The following AGBL1 variants were observed in gnomAD, a reference collection of about 807,000 sequenced individuals.
AGBL1 encodes the protein cytosolic carboxypeptidase 4.
In AGBL1, 130 loss-of-function variants were observed where a neutral mutation model predicts 118.9. The observed-to-expected ratio is 1.09, with a 90% CI of 0.95 to 1.26. The LOEUF is 1.26. AGBL1 is among the 50% of genes most tolerant of loss of function. The pLI is 0.00. For synonymous variants in AGBL1, 555 were observed against 478.9 expected (o/e 1.16, Z -2.08); for missense variants, 1,584 against 1,298.1 (o/e 1.22, Z -3.38).
chr15:86,992,161 G>A (rs2081341687), intron 24 of AGBL1, among the ~76,000 whole-genome samples: 1 of 151,948 alleles, frequency 6.6e-6, no homozygotes. Context: ...AGTGAACAAG[G>A]GGATGTAGCA....
chr15:86,485,940 C>A (rs897468229), intron 18 of AGBL1, among the ~76,000 whole-genome samples: 76 of 151,940 alleles, frequency 5.0e-4, no homozygotes, highest in Non-Finnish European at 3.8e-4. Context: ...TCTTTTTAAA[C>A]CCAATACATT....
At chr15:86,804,296 A>T (rs1312593148) in intron 22 of AGBL1, among the ~76,000 whole-genome samples, 1 of 152,206 alleles carries the variant, frequency 6.6e-6, no homozygotes, top group Non-Finnish European at 1.5e-5. Flanking sequence ...GTTAATTGTC[A>T]TTAGAAAAGG....
At chr15:86,895,178 C>G (rs992206035) in intron 22 of AGBL1, among the ~76,000 whole-genome samples, 3 of 148,738 alleles carry the variant, frequency 2.0e-5, no homozygotes, top group Non-Finnish European at 3.0e-5. Flanking sequence ...TCTTTCCCCC[C>G]TCTTTTCTTT....
chr15:86,370,710 C>G (rs1335800094), intron 17 of AGBL1, among the ~76,000 whole-genome samples: 1 of 152,226 alleles, frequency 6.6e-6, no homozygotes, highest in Non-Finnish European at 1.5e-5. Flanking sequence ...CATGGCACAT[C>G]TCCATCTTTC....
chr15:86,577,837 TGG>T (rs71144055), intron 21 of AGBL1, among the ~76,000 whole-genome samples: 5 of 141,662 alleles, frequency 3.5e-5, no homozygotes, highest in Non-Finnish European at 7.8e-5. Flanking sequence ...AGTCAAGAAC[TGG>T]GGGTTTGGGA....
chr15:86,927,332 G>T (rs1323449257), intron 23 of AGBL1, among the ~76,000 whole-genome samples: 2 of 150,740 alleles, frequency 1.3e-5, no homozygotes, highest in Non-Finnish European at 3.0e-5. Flanking sequence ...CTTGTTCCTG[G>T]AAGCCCAGCA....
At chr15:86,793,975 A>T (rs2078534990) in intron 22 of AGBL1, among the ~76,000 whole-genome samples, 1 of 152,232 alleles carries the variant, frequency 6.6e-6, no homozygotes, top group African/African-American at 2.4e-5. Flanking sequence ...GCTACAGAGA[A>T]ACTGGAAACT....
chr15:86,812,283 C>T (rs2078800544), intron 22 of AGBL1, among the ~76,000 whole-genome samples: 1 of 152,144 alleles, frequency 6.6e-6, no homozygotes, highest in Admixed American at 6.6e-5. Context: ...TACTGTCTCC[C>T]TAATTCTGAC....
intron 22 of AGBL1, among the ~76,000 whole-genome samples, chr15:86,892,434 A>G (rs1172006250): frequency 6.6e-6 from 1 of 152,152 alleles, no homozygotes; most frequent in Non-Finnish European, 1.5e-5. Context: ...AGTAGACCTT[A>G]TCTATAAATA....
In AGBL1 at chr15:86,410,409, A is replaced by C. The variant is rs557544202; in HGVS notation, c.2555+12863A>C. On this transcript the variant is annotated intron_variant, in intron 18 of 22. Transcript: ENST00000614907. The stretch of plus-strand genomic sequence containing the variant: ...GATGTAGTATAAAAAAATTCCAACA[A>C]GACAGTCAGAAGAAGACCCACTTTA... Among the ~76,000 whole-genome samples the C allele has an allele frequency of 9.9e-5, 15 of 152,224 alleles. No individual in the cohort carries two copies. The East Asian group carries it at 1.7e-3, about 18-fold the overall frequency.
intron 22 of AGBL1, among the ~76,000 whole-genome samples, chr15:86,779,516 G>A (rs1381154841): frequency 1.3e-5 from 2 of 152,132 alleles, no homozygotes; most frequent in Non-Finnish European, 2.9e-5. Context: ...GCTATGAACA[G>A]TATTGTACCT....
At chr15:86,141,072 G>A (rs28575675) in intron 1 of AGBL1, among the ~76,000 whole-genome samples, 6,461 of 152,256 alleles carry the variant, frequency 0.042, 459 homozygotes, top group African/African-American at 0.15. Flanking sequence ...AGTGCAAAGA[G>A]CGCTGGCCTG....
At chr15:86,851,472 G>A (rs1389451872) in intron 22 of AGBL1, among the ~76,000 whole-genome samples, 2 of 152,136 alleles carry the variant, frequency 1.3e-5, no homozygotes, top group Non-Finnish European at 2.9e-5. Flanking sequence ...GAGAACAGGA[G>A]GTCTGTTTGA....
At chr15:86,653,293 A>G (rs2085407833) in intron 21 of AGBL1, among the ~76,000 whole-genome samples, 1 of 152,160 alleles carries the variant, frequency 6.6e-6, no homozygotes, top group Admixed American at 6.5e-5. Context: ...TAGAGTCCAT[A>G]CACTGTGTCC....
At chr15:86,520,275 TATG>T (rs538594263) in intron 18 of AGBL1, among the ~76,000 whole-genome samples, 104 of 152,318 alleles carry the variant, frequency 6.8e-4, no homozygotes, top group Non-Finnish European at 1.1e-3. Context: ...GATAGAAGTA[TATG>T]ATATTTCTCT....
At chr15:86,580,775 C>T (rs2084162504) in intron 21 of AGBL1, among the ~76,000 whole-genome samples, 2 of 152,150 alleles carry the variant, frequency 1.3e-5, no homozygotes, top group South Asian at 2.1e-4. Flanking sequence ...TATATTCACC[C>T]TATAGTGCTA....
In AGBL1 at chr15:86,178,315, A is replaced by AAAAC. The variant is rs1028162705; in HGVS notation, c.488+19305_488+19308dup. Among the ~76,000 whole-genome samples the AAAAC allele has an allele frequency of 5.3e-4, 80 of 152,324 alleles. 1 individual carries two copies. Among genetic ancestry groups the AAAAC allele is most frequent in the Middle Eastern group, 3.4e-3 (1 of 294 alleles). On this transcript the variant is annotated intron_variant, in intron 5 of 22. Transcript: ENST00000614907. The stretch of plus-strand genomic sequence containing the variant: ...TGACAGAGCGAGACTCTGCCAAAAC[A>AAAAC]AAACAAACAAACAAACAAAAAATCC...
At chr15:86,700,523 G>A (rs1290430688) in intron 22 of AGBL1, among the ~76,000 whole-genome samples, 2 of 149,212 alleles carry the variant, frequency 1.3e-5, no homozygotes, top group African/African-American at 4.9e-5. Flanking sequence ...AATCTCTCTT[G>A]AAGTGGTCTT....
intron 1 of AGBL1, among the ~76,000 whole-genome samples, chr15:86,081,341 A>AT (rs1895269489): frequency 6.6e-6 from 1 of 152,086 alleles, no homozygotes. Context: ...GTACCTGGCC[A>AT]TTTTTCTCTG....
Sources: gnomAD v4.1 joint callset for allele counts (sites outside exome capture counted in the v4.1 genomes callset) on GRCh38, gnomAD v4.1.1 for gene constraint, MANE v1.5 for transcripts, NCBI Gene and HGNC (gene_info 2026-07-23, HGNC 2026-07-21) for gene names.